The following DNHD1 variants were observed in gnomAD, a reference collection of about 807,000 sequenced individuals.
DNHD1 encodes the protein dynein heavy chain domain 1, also known as dynein heavy chain domain-containing protein 1.
A neutral mutation model predicts 458.1 loss-of-function variants in DNHD1; 383 were observed. The observed-to-expected ratio is 0.84, with a 90% CI of 0.77 to 0.91. The LOEUF is 0.91. Among genes scored for constraint, DNHD1 ranks in the 40% least tolerant of loss-of-function variants. DNHD1 has a pLI of 0.00. For synonymous variants in DNHD1, 2,203 were observed against 2,376.9 expected (o/e 0.93, Z 2.13); for missense variants, 5,336 against 5,866.1 (o/e 0.91, Z 2.95).
At chr11:6,549,541 C>A (rs1031858326) in intron 24 of DNHD1, among the ~76,000 whole-genome samples, 1 of 152,216 alleles carries the variant, frequency 6.6e-6, no homozygotes, top group African/African-American at 2.4e-5. Flanking sequence ...TTCCTCTAGA[C>A]CCTGGGATTG....
At chr11:6,528,089 CAG>C (rs1390713982) in intron 10 of DNHD1, among the ~76,000 whole-genome samples, 1 of 152,112 alleles carries the variant, frequency 6.6e-6, no homozygotes, top group Non-Finnish European at 1.5e-5. Context: ...GGGAAAGAGT[CAG>C]GGCGTATGCC....
At chr11:6,551,769 C>T (rs575858498) in intron 24 of DNHD1, among the ~76,000 whole-genome samples, 67 of 152,156 alleles carry the variant, frequency 4.4e-4, no homozygotes, top group East Asian at 2.7e-3. Flanking sequence ...GGTGAAACCC[C>T]GTCTCTACTA....
At position 6,533,860 on chromosome 11, in the gene DNHD1, A is replaced by G; in HGVS notation, c.2685A>G (p.Gln895=). The G allele has an allele frequency of 6.5e-7, 1 of 1,550,386 alleles. No individual in the cohort carries two copies. The highest frequency in any genetic ancestry group is 1.2e-5 in the South Asian group (1 of 83,918). ...TCCCTCCCTGCCCTCCTCCCCCACA[A>G]CCACATCTACTCCACTGCCCTCTGC... The part of the protein sequence containing the change: ...SPIPPCPPPP[Q]PHLLHCPLLA... Residue 895 remains glutamine (Q), a synonymous_variant, in exon 14 of 43, where the codon CAA becomes CAG. Coordinates refer to ENST00000254579, the MANE Select transcript of DNHD1 (RefSeq NM_144666.3).
intron 12 of DNHD1, among the ~76,000 whole-genome samples, chr11:6,532,654 C>T (rs1564811089): frequency 2.6e-5 from 4 of 152,176 alleles, no homozygotes; most frequent in Admixed American, 2.0e-4. Flanking sequence ...AGGGGCCTTG[C>T]CCAGCCTTCT....
intron 32 of DNHD1, 48 bp downstream of exon 32, chr11:6,564,852 C>A: frequency 7.2e-7 from 1 of 1,385,936 alleles, no homozygotes; most frequent in Non-Finnish European, 9.7e-7. Flanking sequence ...CTGAACTGCC[C>A]AACACTCAGC....
chr11:6,532,883 T>C, intron 12 of DNHD1, 144 bp from the exon 13 acceptor site: 1 of 758,222 alleles, frequency 1.3e-6, no homozygotes, highest in Non-Finnish European at 2.1e-6. Flanking sequence ...TGACTGGACA[T>C]TGAGCAGGGA....
chr11:6,544,866 G>A lies in DNHD1; in HGVS notation c.3927G>A (p.Leu1309=). Residue 1309 remains leucine (L), a synonymous_variant, in exon 21 of 43, where the codon CTG becomes CTA. Coordinates refer to ENST00000254579, the MANE Select transcript of DNHD1 (RefSeq NM_144666.3). ...TCTCTGTAGCTGACCCCATGGTTCT[G>A]TCACTTGTAGTGCCCAGTGCCGAGA... is the stretch of plus-strand genomic sequence containing the variant. The part of the protein sequence containing the change: ...MRISVADPMV[L]SLVVPSAERS... The A allele has an allele frequency of 2.6e-6, 4 of 1,551,690 alleles. No individual in the cohort carries two copies. The highest frequency in any genetic ancestry group is 3.5e-6 in the Non-Finnish European group (4 of 1,146,984).
intron 4 of DNHD1, chr11:6,508,679 C>A (rs1004302508): frequency 3.5e-6 from 2 of 564,486 alleles, no homozygotes; most frequent in African/African-American, 3.8e-5. Context: ...TTCTTCCCAT[C>A]TACCTTTGGC....
At position 6,565,748 on chromosome 11, in the gene DNHD1, G is replaced by A; in HGVS notation, c.10810G>A (p.Glu3604Lys). 1 of 1,551,188 alleles carries A rather than the reference G, an allele frequency of 6.4e-7. No homozygotes were observed. The highest frequency in any genetic ancestry group is 8.7e-7 in the Non-Finnish European group (1 of 1,146,938). ...KRESKTDMKE[E>K]DDESEESNEA... is the part of the protein sequence containing the mutation. ...AGAGAGTAAAACGGACATGAAAGAG[G>A]AAGATGATGAGAGTGAAGAGAGTAA... The change falls in exon 33 of 43, where the codon GAA (glutamate) becomes AAA (lysine). Residue 3604 changes from glutamate to lysine, a missense_variant. Glu to Lys is a moderately conservative substitution (Grantham distance 56). This residue lies in a region of DNHD1 where 695 missense variants were observed against 804.2 expected (regional missense o/e 0.86). Coordinates refer to ENST00000254579, the MANE Select transcript of DNHD1 (RefSeq NM_144666.3).
intron 7 of DNHD1, among the ~76,000 whole-genome samples, chr11:6,516,391 G>A (rs1852469078): frequency 6.7e-6 from 1 of 150,166 alleles, no homozygotes; most frequent in African/African-American, 2.5e-5. Context: ...TCTGCCTCCA[G>A]GGTTCAAGTG....
At chr11:6,568,380 C>T (rs986635763) in intron 37 of DNHD1, 74 bp from the exon 38 acceptor site, 2 of 1,595,956 alleles carry the variant, frequency 1.3e-6, no homozygotes, top group African/African-American at 1.3e-5. Flanking sequence ...ACACCCCTAG[C>T]CTCAAGTCTG....
In DNHD1 at chr11:6,523,261, T is replaced by G. The variant is rs931023337; in HGVS notation, c.1837+2972T>G. Reference sequence around the variant, plus strand: ...AGCTTGGAGATACAATGCAAAAATATGAAAACTGTGATTTTTGCAAGGGGA... The same window carrying G: ...AGCTTGGAGATACAATGCAAAAATAGGAAAACTGTGATTTTTGCAAGGGGA... On this transcript the variant is annotated intron_variant, in intron 10 of 42. Coordinates refer to ENST00000254579, the MANE Select transcript of DNHD1 (RefSeq NM_144666.3). Among the ~76,000 whole-genome samples the G allele has an allele frequency of 3.3e-5, 5 of 152,274 alleles. No individual in the cohort carries two copies. In the South Asian group the frequency reaches 1.0e-3, roughly 32 times the overall value.
At chr11:6,501,086 A>ATT (rs942752303) in intron 3 of DNHD1, among the ~76,000 whole-genome samples, 3 of 152,304 alleles carry the variant, frequency 2.0e-5, no homozygotes, top group African/African-American at 7.2e-5. Flanking sequence ...TACATGTTAA[A>ATT]TGAGACAAGT....
intron 40 of DNHD1, 28 bp from the exon 41 acceptor site, chr11:6,570,219 A>G: frequency 6.2e-7 from 1 of 1,613,660 alleles, no homozygotes; most frequent in Non-Finnish European, 8.5e-7. Flanking sequence ...AAGGTACTGG[A>G]ACTGAGAGAC....
At chr11:6,514,134 G>A (rs983230739) in intron 7 of DNHD1, among the ~76,000 whole-genome samples, 3 of 151,704 alleles carry the variant, frequency 2.0e-5, no homozygotes, top group African/African-American at 7.3e-5. Flanking sequence ...GTGTGAGTCT[G>A]GCTGTGTCTC....
intron 14 of DNHD1, among the ~76,000 whole-genome samples, chr11:6,534,568 C>T (rs959241947): frequency 2.0e-5 from 3 of 152,184 alleles, no homozygotes; most frequent in Non-Finnish European, 4.4e-5. Flanking sequence ...GGTCTTGATG[C>T]TCTAGCAGAT....
rs1357012996 is a variant in DNHD1 at position 6,539,932 on chromosome 11, G to C, written c.3477G>C (p.Gln1159His). The change falls in exon 18 of 43, where the codon CAG becomes CAC. Residue 1159 changes from glutamine (Q) to histidine (H), a missense_variant. Around this residue, in one of 4 missense-constraint regions of DNHD1, gnomAD observed 3,932 missense variants for 4,365.6 expected, o/e 0.90. Coordinates refer to ENST00000254579, the MANE Select transcript of DNHD1 (RefSeq NM_144666.3). Reference sequence around the variant, plus strand: ...CCCAAGAGACTATACGGCGGTTGCAGCGGTACTGGGAAGCGCGCCAGCTGC... The same window carrying C: ...CCCAAGAGACTATACGGCGGTTGCACCGGTACTGGGAAGCGCGCCAGCTGC... ...IHAQETIRRL[Q>H]RYWEARQLRL... is the part of the protein sequence containing the mutation. 1 of 1,551,746 alleles carries C rather than the reference G, an allele frequency of 6.4e-7. No individual in the cohort carries two copies. Among genetic ancestry groups the C allele is most frequent in the Admixed American group, 2.0e-5 (1 of 51,016 alleles).
chr11:6,542,264 A>G (rs896575019), intron 18 of DNHD1, among the ~76,000 whole-genome samples: 1 of 152,326 alleles, frequency 6.6e-6, no homozygotes, highest in South Asian at 2.1e-4. Context: ...CCCTGGTTCC[A>G]CACTTTGCCA....
chr11:6,533,020 T>A lies in DNHD1; in HGVS notation c.2348-7T>A. 6.4e-7 allele frequency: 1 copy of A among 1,551,286 alleles called. No individual in the cohort carries two copies. The highest frequency in any genetic ancestry group is 8.7e-7 in the Non-Finnish European group (1 of 1,146,840). ...CGTCCCCTCACACCTTACTCTCCTG[T>A]CTCCAGAATCCAAGCTGAACAGCAT... On this transcript the variant is annotated splice_region_variant and splice_polypyrimidine_tract_variant and intron_variant, in intron 12 of 42. Transcript: ENST00000254579.
Sources: allele counts gnomAD v4.1 joint callset (sites outside exome capture counted in the v4.1 genomes callset), GRCh38; gene constraint gnomAD v4.1.1; regional missense constraint gnomAD v4.1.1; transcripts MANE v1.5; gene names NCBI Gene and HGNC (gene_info 2026-07-23, HGNC 2026-07-21).